PTPN12: variants seen among roughly 807,000 people sequenced by gnomAD.
PTPN12 encodes protein tyrosine phosphatase non-receptor type 12, also known as tyrosine-protein phosphatase non-receptor type 12.
In PTPN12, 29 loss-of-function variants were observed where a neutral mutation model predicts 97.6. The ratio of observed to expected loss-of-function variants is 0.30; its 90% CI spans 0.22 to 0.41. The LOEUF (loss-of-function observed/expected upper bound fraction) is 0.41, where lower values mean the gene tolerates loss of function less well. Among genes scored for constraint, PTPN12 ranks in the 10% least tolerant of loss-of-function variants. The pLI is 1.00. For missense variants in PTPN12, 819 were observed against 926.0 expected (o/e 0.88, Z 1.50); for synonymous variants, 327 against 300.4 (o/e 1.09, Z -0.91).
intron 9 of PTPN12, among the ~76,000 whole-genome samples, chr7:77,610,385 T>A (rs1320638154): frequency 6.6e-6 from 1 of 152,208 alleles, no homozygotes; most frequent in Non-Finnish European, 1.5e-5. Flanking sequence ...ACATCAAACT[T>A]CTCAATTCCC....
chr7:77,596,983 A>G (rs1788041850), intron 6 of PTPN12, among the ~76,000 whole-genome samples: 2 of 113,072 alleles, frequency 1.8e-5, no homozygotes, highest in Admixed American at 1.1e-4. Context: ...TTGTGGTATC[A>G]TACAGAATAG....
At chr7:77,564,746 G>GGTTTTTTTTTTTTTTT (rs1808162192) in intron 1 of PTPN12, among the ~76,000 whole-genome samples, 6 of 45,370 alleles carry the variant, frequency 1.3e-4, no homozygotes, top group African/African-American at 5.4e-4. Context: ...TTGTTGTCGT[G>GGTTTTTTTTTTTTTTT]TTTTTTTTTT....
intron 4 of PTPN12, chr7:77,585,284 A>G (rs1787653285): frequency 3.3e-6 from 1 of 301,844 alleles, no homozygotes; most frequent in African/African-American, 2.2e-5. Flanking sequence ...TAAATCTGTA[A>G]GATTTACATG....
intron 11 of PTPN12, 91 bp downstream of exon 11, chr7:77,611,137 C>A: frequency 1.0e-6 from 1 of 972,810 alleles, no homozygotes; most frequent in Non-Finnish European, 1.6e-6. Flanking sequence ...TGTGTTTTGT[C>A]TAACATGAGA....
chr7:77,608,134 T>C (rs900727627), intron 9 of PTPN12, among the ~76,000 whole-genome samples: 1 of 152,202 alleles, frequency 6.6e-6, no homozygotes, highest in African/African-American at 2.4e-5. Flanking sequence ...ATTATAGTAT[T>C]GTAGTCTATG....
At chr7:77,553,385 G>A (rs1462703519) in intron 1 of PTPN12, among the ~76,000 whole-genome samples, 2 of 152,198 alleles carry the variant, frequency 1.3e-5, no homozygotes, top group Non-Finnish European at 2.9e-5. Context: ...TGATAGAGGA[G>A]TACGGAAGTC....
intron 12 of PTPN12, among the ~76,000 whole-genome samples, chr7:77,619,115 C>A (rs2151384885): frequency 6.6e-6 from 1 of 152,124 alleles, no homozygotes; most frequent in East Asian, 1.9e-4. Flanking sequence ...ATAGTTTCAA[C>A]TCCTTTTTAG....
At chr7:77,624,198 C>T (rs1334421880) in intron 12 of PTPN12, among the ~76,000 whole-genome samples, 1 of 151,018 alleles carries the variant, frequency 6.6e-6, no homozygotes, top group Non-Finnish European at 1.5e-5. Flanking sequence ...GCCCTGAAGG[C>T]AGAGGTTGCA....
intron 2 of PTPN12, among the ~76,000 whole-genome samples, chr7:77,577,795 G>A (rs1489339168): frequency 1.3e-5 from 2 of 152,044 alleles, no homozygotes; most frequent in African/African-American, 4.8e-5. Flanking sequence ...GTTTTAAAAA[G>A]GGTATTTCTG....
chr7:77,576,196 C>T (rs1211473129), intron 2 of PTPN12, among the ~76,000 whole-genome samples: 1 of 152,060 alleles, frequency 6.6e-6, no homozygotes, highest in Non-Finnish European at 1.5e-5. Flanking sequence ...ATGTAGCATG[C>T]ATCGATAGTT....
At chr7:77,621,024 G>T (rs779545116) in intron 12 of PTPN12, among the ~76,000 whole-genome samples, 3 of 152,016 alleles carry the variant, frequency 2.0e-5, no homozygotes, top group Non-Finnish European at 4.4e-5. Flanking sequence ...CATTTTGGGA[G>T]GCTAAGGTGG....
chr7:77,587,860 T>A (rs929911514), intron 5 of PTPN12, among the ~76,000 whole-genome samples: 1 of 152,240 alleles, frequency 6.6e-6, no homozygotes, highest in Non-Finnish European at 1.5e-5. Context: ...CTCGCACTTT[T>A]ATGTTATGGG....
At chr7:77,608,894 A>G (rs1366170497) in intron 9 of PTPN12, among the ~76,000 whole-genome samples, 1 of 152,230 alleles carries the variant, frequency 6.6e-6, no homozygotes, top group Non-Finnish European at 1.5e-5. Context: ...AATGAATGCT[A>G]GCAAACAAAA....
Position 77,627,168 on chromosome 7 carries a change from G to C in PTPN12, c.1489G>C (p.Asp497His). The C allele has an allele frequency of 1.9e-6, 3 of 1,614,114 alleles. No individual in the cohort carries two copies. The highest frequency in any genetic ancestry group is 2.5e-6 in the Non-Finnish European group (3 of 1,180,010). Residue 497 changes from aspartate to histidine, a missense_variant, in exon 13 of 18, where the codon GAC becomes CAC. Physicochemically the swap from Asp to His is moderately conservative, Grantham distance 81 (BLOSUM62 -1). Coordinates refer to ENST00000248594, the MANE Select transcript of PTPN12 (RefSeq NM_002835.4). ...TGATACTTCCCAGAATTCTTGTGTG[G>C]ACTGCAGTGTAACACAATCAAACAA... The part of the protein sequence containing the change: ...VGDTSQNSCV[D>H]CSVTQSNKVS...
intron 8 of PTPN12, among the ~76,000 whole-genome samples, chr7:77,606,190 G>C (rs1327538594): frequency 6.6e-6 from 1 of 152,018 alleles, no homozygotes; most frequent in Non-Finnish European, 1.5e-5. Flanking sequence ...CTGACCTCAA[G>C]TGATCCACCG....
At position 77,625,468 on chromosome 7, in the gene PTPN12, G is replaced by GCGCTCTCT. The variant is rs1218191468; in HGVS notation, c.1026-1236_1026-1235insGCTCTCTC. 2.2e-3 allele frequency among the ~76,000 whole-genome samples: 55 copies of GCGCTCTCT among 24,748 alleles called. 3 individuals are homozygous for GCGCTCTCT. Among genetic ancestry groups the GCGCTCTCT allele is most frequent in the Non-Finnish European group, 3.0e-3 (46 of 15,570 alleles). 16.2% of individuals were successfully genotyped at this position (24,748 alleles called of 152,430 possible). A position where few individuals can be genotyped will look rare whatever the true frequency, so the allele number is the denominator to read the frequency against. ...AGGGTTTTGCCATATTGCCCAGGCT[G>GCGCTCTCT]CTCGCTCTCTCTCTCTCTCTCTCTC... On this transcript the variant is annotated intron_variant, in intron 12 of 17. Transcript: ENST00000248594.
chr7:77,628,296 C>T (rs943096494), intron 13 of PTPN12, among the ~76,000 whole-genome samples: 2 of 152,100 alleles, frequency 1.3e-5, no homozygotes, highest in African/African-American at 2.4e-5. Context: ...ATTTTTTTAG[C>T]ACTCTTAGCA....
At chr7:77,611,433 A>G (rs1788566009) in intron 11 of PTPN12, among the ~76,000 whole-genome samples, 1 of 151,754 alleles carries the variant, frequency 6.6e-6, no homozygotes, top group African/African-American at 2.4e-5. Context: ...TTATTTGTGT[A>G]TATGCTTTTC....
chr7:77,591,666 C>A (rs981782778), intron 5 of PTPN12, among the ~76,000 whole-genome samples: 1 of 152,032 alleles, frequency 6.6e-6, no homozygotes, highest in Admixed American at 6.6e-5. Flanking sequence ...ATTATTATTC[C>A]TATTTTTACA....
Sources: allele counts gnomAD v4.1 joint callset (sites outside exome capture counted in the v4.1 genomes callset), GRCh38; gene constraint gnomAD v4.1.1; transcripts MANE v1.5; gene names NCBI Gene and HGNC (gene_info 2026-07-23, HGNC 2026-07-21).